Variants in PTAR1 observed in about 807,000 individuals in gnomAD.
The protein encoded by PTAR1 is protein prenyltransferase alpha subunit repeat containing 1.
PTAR1 carries 17 observed loss-of-function variants against 45.5 expected under a neutral mutation model. The ratio of observed to expected loss-of-function variants is 0.37; its 90% CI spans 0.26 to 0.56. The LOEUF (loss-of-function observed/expected upper bound fraction) is 0.56. Among genes scored for constraint, PTAR1 ranks in the 20% least tolerant of loss-of-function variants. PTAR1 has a pLI of 0.77. For synonymous variants in PTAR1, 169 were observed against 171.3 expected, an observed-to-expected ratio of 0.99 and a Z score of 0.11; for missense variants, 391 against 476.3, an observed-to-expected ratio of 0.82 and a Z score of 1.67.
Position 69,734,257 on chromosome 9 carries a change from G to GT in PTAR1, c.324-4dup, listed in dbSNP as rs778465164. On this transcript the variant is annotated splice_polypyrimidine_tract_variant and splice_region_variant and intron_variant, in intron 3 of 7. Coordinates refer to ENST00000340434, the MANE Select transcript of PTAR1 (RefSeq NM_001099666.2). ...TGCCAGAGAGGATCAGCTCTTTCCT[G>GT]TAAAAAAAAAAAAAAAAAAAAAAAA... 8.7e-6 allele frequency: 1 copy of GT among 114,732 alleles called. No individual in the cohort carries two copies. 7.1% of individuals were successfully genotyped at this position (114,732 alleles called of 1,614,324 possible).
In PTAR1 at chr9:69,716,252, C is replaced by G. The variant is rs1564122217; in HGVS notation, c.*2090G>C. 6.6e-6 allele frequency: 1 copy of G among 151,890 alleles called. No individual in the cohort carries two copies. Among genetic ancestry groups the G allele is most frequent in the Admixed American group, 6.6e-5 (1 of 15,222 alleles). 9.4% of individuals were successfully genotyped at this position (151,890 alleles called of 1,614,324 possible). A position where few individuals can be genotyped will look rare whatever the true frequency, so the allele number is the denominator to read the frequency against. ...CATGTCTTCTCTGTGTAGTTTGCCC[C>G]CAAACACTCACAGGAGCTAAAAATC... On this transcript the variant is annotated 3_prime_UTR_variant, in exon 8 of 8. Transcript: ENST00000340434.
intron 1 of PTAR1, chr9:69,757,016 C>T (rs1174549122): frequency 6.6e-6 from 1 of 152,206 alleles, no homozygotes; most frequent in East Asian, 1.9e-4. Flanking sequence ...AGCACAGACA[C>T]AGAAAATTTC....
chr9:69,719,736 C>T (rs1391680118), intron 6 of PTAR1, among the ~76,000 whole-genome samples: 3 of 152,138 alleles, frequency 2.0e-5, no homozygotes, highest in Non-Finnish European at 4.4e-5. Context: ...AGTCTATCAG[C>T]ACAATTTTTC....
Position 69,760,007 on chromosome 9 carries a change from A to C in PTAR1, c.-69T>G, listed in dbSNP as rs1003923000. ...CGGGCCGCCGGCGGGAGTTCCGCGG[A>C]GAACGAGCGCGCGCGCGCGCGCGCG... On this transcript the variant is annotated 5_prime_UTR_variant, in exon 1 of 8. Transcript: ENST00000340434. The C allele has an allele frequency of 7.9e-7, 1 of 1,264,416 alleles. No homozygotes were observed. Among genetic ancestry groups the C allele is most frequent in the African/African-American group, 1.6e-5 (1 of 61,834 alleles). The allele number at this position is 1,264,416 out of a possible 1,614,324, so 78.3% of individuals were successfully genotyped here.
intron 6 of PTAR1, among the ~76,000 whole-genome samples, chr9:69,721,281 T>A (rs924768493): frequency 6.6e-6 from 1 of 151,978 alleles, no homozygotes; most frequent in Non-Finnish European, 1.5e-5. Context: ...TCACGGCAAA[T>A]GTGGTGGAAA....
At chr9:69,731,518 C>T (rs1358437763) in intron 5 of PTAR1, among the ~76,000 whole-genome samples, 1 of 152,198 alleles carries the variant, frequency 6.6e-6, no homozygotes, top group Non-Finnish European at 1.5e-5. Flanking sequence ...CTGGAAATCT[C>T]CATCTCCTCA....
At chr9:69,748,491 G>T (rs1588480749) in intron 2 of PTAR1, among the ~76,000 whole-genome samples, 2 of 151,550 alleles carry the variant, frequency 1.3e-5, no homozygotes, top group South Asian at 4.2e-4. Context: ...ATGAAAACAA[G>T]AATTCAGTTT....
chr9:69,723,735 C>T lies in PTAR1; in HGVS notation c.643-105G>A, dbSNP rs951396713. 26 of 848,304 alleles carry T rather than the reference C, an allele frequency of 3.1e-5. No homozygotes were observed. The Admixed American group carries it at 6.6e-4, about 22-fold the overall frequency. The allele number at this position is 848,304 out of a possible 1,614,324, so 52.5% of individuals were successfully genotyped here. On this transcript the variant is annotated intron_variant, in intron 5 of 7. Coordinates refer to ENST00000340434, the MANE Select transcript of PTAR1 (RefSeq NM_001099666.2). ...TTGATTTGTTCCTTTTTTGACAAGA[C>T]CATTCTTACCAATATTTTGTACACA...
intron 5 of PTAR1, among the ~76,000 whole-genome samples, chr9:69,727,735 T>C (rs1001685539): frequency 1.8e-4 from 27 of 152,204 alleles, no homozygotes; most frequent in Non-Finnish European, 3.5e-4. Context: ...TACTCTGTCT[T>C]ATTAATAAAC....
rs1824463885 is a variant in PTAR1, at chr9:69,710,034, G to A, written c.*8308C>T. The A allele has an allele frequency of 6.6e-6, 1 of 151,960 alleles. No individual in the cohort carries two copies. Among genetic ancestry groups the A allele is most frequent in the African/African-American group, 2.4e-5 (1 of 41,366 alleles). 9.4% of individuals were successfully genotyped at this position (151,960 alleles called of 1,614,324 possible). A position where few individuals can be genotyped will look rare whatever the true frequency, so the allele number is the denominator to read the frequency against. On this transcript the variant is annotated 3_prime_UTR_variant, in exon 8 of 8. Coordinates refer to ENST00000340434, the MANE Select transcript of PTAR1 (RefSeq NM_001099666.2). ...AAAATGAAGATGAAGGAAAACAAGT[G>A]GATAATTCTATTAGATGCTTTTCTA...
chr9:69,725,946 A>C (rs1825258105), intron 5 of PTAR1, among the ~76,000 whole-genome samples: 1 of 152,160 alleles, frequency 6.6e-6, no homozygotes, highest in Non-Finnish European at 1.5e-5. Flanking sequence ...TGAAAACATG[A>C]ATAAGTGAAT....
intron 1 of PTAR1, among the ~76,000 whole-genome samples, chr9:69,753,139 GA>G (rs949410906): frequency 4.2e-4 from 52 of 122,914 alleles, no homozygotes; most frequent in African/African-American, 1.4e-3. Context: ...TTTTGGGGGG[GA>G]TTTTTTTTTT....
At position 69,718,338 on chromosome 9, in the gene PTAR1, T is replaced by C; in HGVS notation, c.*4A>G. Reference sequence around the variant, plus strand: ...GGGAACCTTGTAGGACTAATTCACCTCTTTCATTGACTCAAAGTAACCAGC... The same window carrying C: ...GGGAACCTTGTAGGACTAATTCACCCCTTTCATTGACTCAAAGTAACCAGC... On this transcript the variant is annotated 3_prime_UTR_variant, in exon 8 of 8. Transcript: ENST00000340434. 3 of 1,587,130 alleles carry C rather than the reference T, an allele frequency of 1.9e-6. No homozygotes were observed. Among genetic ancestry groups the C allele is most frequent in the Non-Finnish European group, 1.7e-6 (2 of 1,164,212 alleles).
Position 69,734,257 on chromosome 9 carries a change from G to C in PTAR1, c.324-3C>G. 2 of 114,730 alleles carry C rather than the reference G, an allele frequency of 1.7e-5. No individual in the cohort carries two copies. The highest frequency in any genetic ancestry group is 1.1e-4 in the South Asian group (1 of 9,102). The allele number at this position is 114,730 out of a possible 1,614,324, so 7.1% of individuals were successfully genotyped here. On this transcript the variant is annotated splice_region_variant and splice_polypyrimidine_tract_variant and intron_variant, in intron 3 of 7. Coordinates refer to ENST00000340434, the MANE Select transcript of PTAR1 (RefSeq NM_001099666.2). Reference sequence around the variant, plus strand: ...TGCCAGAGAGGATCAGCTCTTTCCTGTAAAAAAAAAAAAAAAAAAAAAAAA... The same window carrying C: ...TGCCAGAGAGGATCAGCTCTTTCCTCTAAAAAAAAAAAAAAAAAAAAAAAA...
chr9:69,752,132 A>T (rs1826561050), intron 1 of PTAR1, among the ~76,000 whole-genome samples: 1 of 152,108 alleles, frequency 6.6e-6, no homozygotes, highest in South Asian at 2.1e-4. Flanking sequence ...GATATTTTAA[A>T]CATGTCTTTA....
chr9:69,724,422 T>C (rs2134086878), intron 5 of PTAR1, among the ~76,000 whole-genome samples: 2 of 152,296 alleles, frequency 1.3e-5, no homozygotes, highest in South Asian at 4.1e-4. Context: ...CAAACATAAA[T>C]CAGTGAAAGG....
intron 1 of PTAR1, 131 bp from the exon 2 acceptor site, chr9:69,751,081 C>A: frequency 1.5e-6 from 1 of 674,688 alleles, no homozygotes; most frequent in Non-Finnish European, 2.4e-6. Flanking sequence ...AGCTCACTTA[C>A]TGGGATTGGT....
chr9:69,739,239 G>A (rs1253801595), intron 3 of PTAR1, among the ~76,000 whole-genome samples: 1 of 152,032 alleles, frequency 6.6e-6, no homozygotes, highest in Non-Finnish European at 1.5e-5. Flanking sequence ...AAATCAATAG[G>A]CTATGAGTTC....
intron 6 of PTAR1, among the ~76,000 whole-genome samples, chr9:69,719,229 TAC>T (rs1824873157): frequency 6.6e-6 from 1 of 152,178 alleles, no homozygotes; most frequent in Admixed American, 6.5e-5. Context: ...CATCACCAAC[TAC>T]AGTTTTAAAC....
Sources: gnomAD v4.1 joint callset for allele counts (sites outside exome capture counted in the v4.1 genomes callset) on GRCh38, gnomAD v4.1.1 for gene constraint, MANE v1.5 for transcripts, NCBI Gene and HGNC (gene_info 2026-07-23, HGNC 2026-07-21) for gene names.